CNTNAP2: variants seen among roughly 807,000 people sequenced by gnomAD.
The protein encoded by CNTNAP2 is contactin-associated protein-like 2.
A neutral mutation model predicts 155.2 loss-of-function variants in CNTNAP2; 98 were observed. The observed-to-expected ratio is 0.63, with a 90% CI of 0.54 to 0.75. CNTNAP2 has a LOEUF of 0.75. CNTNAP2 is among the 30% of genes least tolerant of loss of function. The pLI is 0.00. For synonymous variants in CNTNAP2, 651 were observed against 631.2 expected, an observed-to-expected ratio of 1.03 and a Z score of -0.47; for missense variants, 1,727 against 1,688.1, an observed-to-expected ratio of 1.02 and a Z score of -0.40.
intron 1 of CNTNAP2, among the ~76,000 whole-genome samples, chr7:146,219,120 A>T (rs1488098771): frequency 2.0e-5 from 3 of 152,118 alleles, no homozygotes; most frequent in Non-Finnish European, 2.9e-5. Flanking sequence ...TTCAGGGGAA[A>T]TTGCCATTTA....
At chr7:147,937,373 T>C (rs1800629959) in intron 14 of CNTNAP2, among the ~76,000 whole-genome samples, 1 of 152,196 alleles carries the variant, frequency 6.6e-6, no homozygotes, top group South Asian at 2.1e-4. Flanking sequence ...AATACAGTGG[T>C]TGCCCATGGT....
intron 15 of CNTNAP2, among the ~76,000 whole-genome samples, chr7:147,995,659 GC>G (rs1563161295): frequency 6.6e-6 from 1 of 151,578 alleles, no homozygotes; most frequent in Non-Finnish European, 1.5e-5. Context: ...GACTACAGGC[GC>G]CCGCCACCAT....
rs1450988677 is a variant in CNTNAP2, at chr7:148,420,396, A to C, written c.*4780A>C. ...TTCTTTCACAGCAGTATTTTTTTTCATAAGTGGCATATAAATGTCATTCAA... is the reference window on the plus strand; with the variant it reads ...TTCTTTCACAGCAGTATTTTTTTTCCTAAGTGGCATATAAATGTCATTCAA... On this transcript the variant is annotated 3_prime_UTR_variant, in exon 24 of 24. Transcript: ENST00000361727. The C allele has an allele frequency of 1.3e-5, 2 of 152,162 alleles. No homozygotes were observed. The highest frequency in any genetic ancestry group is 4.8e-5 in the African/African-American group (2 of 41,448). The allele number at this position is 152,162 out of a possible 1,614,324, so 9.4% of individuals were successfully genotyped here.
At chr7:147,414,243 G>C (rs1165846796) in intron 10 of CNTNAP2, among the ~76,000 whole-genome samples, 1 of 151,870 alleles carries the variant, frequency 6.6e-6, no homozygotes, top group African/African-American at 2.4e-5. Context: ...TGGCCAACAT[G>C]CTGAAACCCG....
chr7:147,775,375 A>T (rs868742867), intron 13 of CNTNAP2, among the ~76,000 whole-genome samples: 6 of 82,278 alleles, frequency 7.3e-5, no homozygotes, highest in African/African-American at 1.9e-4. Flanking sequence ...ATATATATAT[A>T]TTTATATATA....
chr7:148,142,107 GTGT>G (rs1805086593), intron 16 of CNTNAP2, among the ~76,000 whole-genome samples: 1 of 151,134 alleles, frequency 6.6e-6, no homozygotes, highest in Admixed American at 6.6e-5. Context: ...GTGTGTGTGT[GTGT>G]GTGTGTGTGT....
chr7:146,772,209 G>T (rs958593155), intron 1 of CNTNAP2, among the ~76,000 whole-genome samples: 30 of 151,916 alleles, frequency 2.0e-4, no homozygotes, highest in Admixed American at 5.2e-4. Context: ...AATCAAGCAG[G>T]ATGTGGATAC....
intron 11 of CNTNAP2, among the ~76,000 whole-genome samples, chr7:147,511,741 A>G (rs1360030486): frequency 6.6e-6 from 1 of 152,144 alleles, no homozygotes; most frequent in Non-Finnish European, 1.5e-5. Context: ...GCTCTTTGCA[A>G]CAAAACGACA....
chr7:147,614,328 A>G (rs1801243093), intron 12 of CNTNAP2, among the ~76,000 whole-genome samples: 1 of 152,134 alleles, frequency 6.6e-6, no homozygotes, highest in Non-Finnish European at 1.5e-5. Flanking sequence ...CCAGTCTTTG[A>G]ATATGGAATA....
intron 13 of CNTNAP2, among the ~76,000 whole-genome samples, chr7:147,862,634 TACATATATAC>T (rs971972267): frequency 6.6e-6 from 1 of 151,472 alleles, no homozygotes; most frequent in African/African-American, 2.4e-5. Context: ...CATATATATA[TACATATATAC>T]ACACACACAC....
intron 1 of CNTNAP2, among the ~76,000 whole-genome samples, chr7:146,418,969 C>G (rs1795973866): frequency 1.3e-5 from 2 of 152,094 alleles, no homozygotes; most frequent in African/African-American, 4.8e-5. Context: ...AAGGAACCAG[C>G]CTTGTTGACG....
chr7:146,221,748 A>G (rs1253866806), intron 1 of CNTNAP2, among the ~76,000 whole-genome samples: 1 of 152,238 alleles, frequency 6.6e-6, no homozygotes, highest in East Asian at 1.9e-4. Flanking sequence ...TTTATTTTAT[A>G]ATGGCAAATT....
Position 146,805,235 on chromosome 7 carries a change from C to T in CNTNAP2, c.208+30854C>T, listed in dbSNP as rs551029962. Among the ~76,000 whole-genome samples, 8 of 152,284 alleles carry T rather than the reference C, an allele frequency of 5.3e-5. No individual in the cohort carries two copies. The South Asian group carries it at 6.2e-4, about 12-fold the overall frequency. ...CTCAAACTGGATCATAGCATACTGA[C>T]AGTGCTTACATGGCCCGCATTCCTT... On this transcript the variant is annotated intron_variant, in intron 2 of 23. Transcript: ENST00000361727.
At chr7:147,799,114 A>G (rs991766628) in intron 13 of CNTNAP2, among the ~76,000 whole-genome samples, 5 of 152,204 alleles carry the variant, frequency 3.3e-5, no homozygotes, top group African/African-American at 1.2e-4. Context: ...TGAAAATAAT[A>G]AGAGAATTCT....
intron 1 of CNTNAP2, among the ~76,000 whole-genome samples, chr7:146,253,920 C>T (rs1039320836): frequency 1.3e-5 from 2 of 151,560 alleles, no homozygotes; most frequent in Non-Finnish European, 2.9e-5. Context: ...AAATTAGCTC[C>T]ATGTGGTGGC....
At position 147,617,919 on chromosome 7, in the gene CNTNAP2, A is replaced by G. The variant is rs946782623; in HGVS notation, c.1898-21187A>G. Among the ~76,000 whole-genome samples, 4 of 152,324 alleles carry G rather than the reference A, an allele frequency of 2.6e-5. No homozygotes were observed. The Middle Eastern group carries it at 0.01, about 389-fold the overall frequency. ...TGGATACATGCTTGTATAAGACTGC[A>G]AAGCTTTGAGTTTTGAAAAAACAGT... On this transcript the variant is annotated intron_variant, in intron 12 of 23. Transcript: ENST00000361727.
At position 147,134,992 on chromosome 7, in the gene CNTNAP2, C is replaced by G. The variant is rs186060119; in HGVS notation, c.1348+2483C>G. 9.3e-4 allele frequency among the ~76,000 whole-genome samples: 141 copies of G among 152,014 alleles called. 1 individual carries two copies. In the Middle Eastern group the frequency reaches 0.014, roughly 15 times the overall value. ...AAGGTAATATAGAGACTCTCAGATACTGTTAATATATACTGGTAACTTAGT... is the reference window on the plus strand; with the variant it reads ...AAGGTAATATAGAGACTCTCAGATAGTGTTAATATATACTGGTAACTTAGT... On this transcript the variant is annotated intron_variant, in intron 8 of 23. Transcript: ENST00000361727.
At chr7:147,412,738 G>A (rs547597697) in intron 10 of CNTNAP2, among the ~76,000 whole-genome samples, 25 of 152,308 alleles carry the variant, frequency 1.6e-4, no homozygotes, top group Non-Finnish European at 3.1e-4. Context: ...CTTTATGAGT[G>A]AAATAGAATT....
chr7:146,883,807 A>T lies in CNTNAP2; in HGVS notation c.402+43903A>T, dbSNP rs144484127. On this transcript the variant is annotated intron_variant, in intron 3 of 23. Transcript: ENST00000361727. The stretch of plus-strand genomic sequence containing the variant: ...TAGTTTCTCCAATTTCTCCAAAATC[A>T]TCTTATAGATTATTTAGAATAATTT... Among the ~76,000 whole-genome samples the T allele has an allele frequency of 7.9e-5, 12 of 152,310 alleles. No individual in the cohort carries two copies. In the East Asian group the frequency reaches 2.1e-3, roughly 27 times the overall value.
Sources: gnomAD v4.1 joint callset for allele counts (sites outside exome capture counted in the v4.1 genomes callset) on GRCh38, gnomAD v4.1.1 for gene constraint, MANE v1.5 for transcripts, NCBI Gene and HGNC (gene_info 2026-07-23, HGNC 2026-07-21) for gene names.